Variants in SLC9B1 observed in about 807,000 individuals in gnomAD.
SLC9B1 encodes sodium/hydrogen exchanger 9B1.
A neutral mutation model predicts 51.7 loss-of-function variants in SLC9B1; 32 were observed. The observed-to-expected ratio is 0.62, with a 90% CI of 0.47 to 0.83. The LOEUF (loss-of-function observed/expected upper bound fraction) is 0.83, where lower values mean the gene tolerates loss of function less well. Among genes scored for constraint, SLC9B1 ranks in the 40% least tolerant of loss-of-function variants. The pLI is 0.00. For missense variants in SLC9B1, 406 were observed against 613.2 expected, an observed-to-expected ratio of 0.66 and a Z score of 3.57; for synonymous variants, 145 against 212.7, an observed-to-expected ratio of 0.68 and a Z score of 2.77.
In SLC9B1 at chr4:102,946,515, C is replaced by CT. The variant is rs1389471839; in HGVS notation, c.525+131dup. 1.3e-5 allele frequency: 13 copies of CT among 1,023,942 alleles called. No individual in the cohort carries two copies. The African/African-American group carries it at 1.7e-4, about 13-fold the overall frequency. The allele number at this position is 1,023,942 out of a possible 1,614,324, so 63.4% of individuals were successfully genotyped here. On this transcript the variant is annotated intron_variant, in intron 5 of 11. Coordinates refer to ENST00000296422, the MANE Select transcript of SLC9B1 (RefSeq NM_139173.4). ...ACAGGCATGAGCCGCCATGCCCGGC[C>CT]TTTTTTTCTTTATCTTAGGTTTGTT...
intron 11 of SLC9B1, chr4:102,888,915 A>G (rs1037079994): frequency 6.6e-5 from 10 of 152,252 alleles, no homozygotes; most frequent in South Asian, 2.1e-4. Context: ...TCTTTAGTCT[A>G]TTTAAGATAC....
chr4:103,003,036 T>C (rs1234907891), intron 1 of SLC9B1, among the ~76,000 whole-genome samples: 1 of 152,136 alleles, frequency 6.6e-6, no homozygotes, highest in Non-Finnish European at 1.5e-5. Context: ...TTTGACAATA[T>C]CACCTTCCTC....
intron 11 of SLC9B1, chr4:102,889,566 G>C (rs1401835833): frequency 6.6e-6 from 1 of 152,224 alleles, no homozygotes; most frequent in Admixed American, 6.5e-5. Flanking sequence ...CATTGAAAAT[G>C]AATTATCTCA....
At chr4:102,937,996 A>C (rs1332169947) in intron 6 of SLC9B1, among the ~76,000 whole-genome samples, 1 of 152,180 alleles carries the variant, frequency 6.6e-6, no homozygotes, top group African/African-American at 2.4e-5. Context: ...AGCTAACAAC[A>C]TAATGACAGG....
chr4:102,941,938 T>A (rs1365083076), intron 6 of SLC9B1, among the ~76,000 whole-genome samples: 2 of 152,228 alleles, frequency 1.3e-5, no homozygotes, highest in East Asian at 3.9e-4. Flanking sequence ...CTCCTAGATC[T>A]GATAAATGAA....
chr4:102,901,162 A>T lies in SLC9B1; in HGVS notation c.1503T>A (p.Asp501Glu), dbSNP rs140374116. The change falls in exon 12 of 12, where the codon GAT (aspartate) becomes GAA (glutamate). Residue 501 changes from aspartate to glutamate, a missense_variant. Physicochemically the swap from Asp to Glu is conservative, Grantham distance 45. Around this residue, in one of 6 missense-constraint regions of SLC9B1, gnomAD observed 18 missense variants for 35.9 expected, o/e 0.50. Coordinates refer to ENST00000296422, the MANE Select transcript of SLC9B1 (RefSeq NM_139173.4). ...ACAACTGCAGTTTTATTTTGCTTGG[A>T]TCATAATGGCGTGTAAGCATTTTAG... Reference protein sequence around the residue: ...LGPKMLTRHYDPSKIKLQLST... With the variant: ...LGPKMLTRHYEPSKIKLQLST... The T allele has an allele frequency of 1.2e-5, 19 of 1,611,534 alleles. No homozygotes were observed. The highest frequency in any genetic ancestry group is 1.4e-5 in the Non-Finnish European group (17 of 1,179,838).
chr4:103,013,207 C>A (rs1197745192), intron 1 of SLC9B1, among the ~76,000 whole-genome samples: 2 of 152,216 alleles, frequency 1.3e-5, no homozygotes, highest in African/African-American at 4.8e-5. Flanking sequence ...ACATTTCAGT[C>A]AAACTGTTAA....
intron 3 of SLC9B1, among the ~76,000 whole-genome samples, chr4:102,985,465 T>G (rs1007293251): frequency 3.9e-5 from 6 of 152,198 alleles, no homozygotes; most frequent in Non-Finnish European, 7.3e-5. Context: ...ATTATACTTC[T>G]TTATAAATTT....
intron 3 of SLC9B1, among the ~76,000 whole-genome samples, chr4:102,978,527 A>G (rs111462532): frequency 1.3e-5 from 2 of 152,348 alleles, no homozygotes; most frequent in African/African-American, 4.8e-5. Context: ...ACTTCTCAAA[A>G]GAAGACATTT....
intron 1 of SLC9B1, among the ~76,000 whole-genome samples, chr4:102,994,103 T>C (rs1032708039): frequency 2.6e-5 from 4 of 152,236 alleles, no homozygotes; most frequent in African/African-American, 4.8e-5. Context: ...TCATTACTTA[T>C]GCAAATTTCT....
intron 1 of SLC9B1, among the ~76,000 whole-genome samples, chr4:102,995,322 T>C (rs1740158533): frequency 6.6e-6 from 1 of 152,172 alleles, no homozygotes; most frequent in Non-Finnish European, 1.5e-5. Context: ...GAGGATCATA[T>C]TATAGAGATC....
chr4:102,957,240 A>C (rs1737856457), intron 3 of SLC9B1, among the ~76,000 whole-genome samples: 1 of 152,204 alleles, frequency 6.6e-6, no homozygotes, highest in Admixed American at 6.5e-5. Context: ...AGAGAGAGAT[A>C]AGAGGGCAGA....
At chr4:102,950,830 T>C (rs1470387280) in intron 3 of SLC9B1, among the ~76,000 whole-genome samples, 1 of 152,074 alleles carries the variant, frequency 6.6e-6, no homozygotes, top group Non-Finnish European at 1.5e-5. Flanking sequence ...GCTGTCTCTA[T>C]TAAAAATACA....
intron 6 of SLC9B1, among the ~76,000 whole-genome samples, chr4:102,943,212 C>T (rs1282269147): frequency 6.6e-6 from 1 of 150,854 alleles, no homozygotes; most frequent in Non-Finnish European, 1.5e-5. Flanking sequence ...AAAAGGAACA[C>T]TTTCACACTG....
chr4:102,998,856 T>C (rs1247087546), intron 1 of SLC9B1, among the ~76,000 whole-genome samples: 2 of 152,166 alleles, frequency 1.3e-5, no homozygotes, highest in African/African-American at 4.8e-5. Context: ...AAGTCCTTTG[T>C]CCATTTTTAT....
At chr4:102,909,514 A>G (rs1304004704) in intron 9 of SLC9B1, among the ~76,000 whole-genome samples, 1 of 152,216 alleles carries the variant, frequency 6.6e-6, no homozygotes, top group East Asian at 1.9e-4. Flanking sequence ...GAAACAGAAG[A>G]ATCACTTGAA....
intron 1 of SLC9B1, among the ~76,000 whole-genome samples, chr4:102,999,665 C>T (rs1398491864): frequency 6.6e-6 from 1 of 152,084 alleles, no homozygotes; most frequent in Non-Finnish European, 1.5e-5. Flanking sequence ...TCACTTTAAC[C>T]AAATCAGAGA....
At chr4:102,938,746 T>A (rs1056146633) in intron 6 of SLC9B1, among the ~76,000 whole-genome samples, 2 of 152,036 alleles carry the variant, frequency 1.3e-5, no homozygotes, top group Non-Finnish European at 2.9e-5. Context: ...TACAATTACA[T>A]GGAAATTAAA....
At chr4:103,008,259 G>C (rs986631567) in intron 1 of SLC9B1, among the ~76,000 whole-genome samples, 3 of 152,116 alleles carry the variant, frequency 2.0e-5, no homozygotes, top group African/African-American at 7.2e-5. Flanking sequence ...CTGTTATATT[G>C]CTAGGCTTTG....
Sources: gnomAD v4.1 joint callset for allele counts (sites outside exome capture counted in the v4.1 genomes callset) on GRCh38, gnomAD v4.1.1 for gene constraint, gnomAD v4.1.1 regional missense constraint, MANE v1.5 for transcripts, NCBI Gene and HGNC (gene_info 2026-07-23, HGNC 2026-07-21) for gene names.